MEAK7: variants seen among roughly 807,000 people sequenced by gnomAD.
MEAK7 encodes MTOR-associated protein MEAK7.
Under a neutral mutation model 40.5 loss-of-function variants are expected in MEAK7, and 68 were observed. That is an observed-to-expected ratio of 1.68 (90% CI 1.38 to 2.06). MEAK7 has a LOEUF of 2.06. MEAK7 is among the 30% of genes most tolerant of loss of function. The pLI, the probability that MEAK7 is intolerant of heterozygous loss-of-function variation, is 0.00. For missense variants in MEAK7, 918 were observed against 580.5 expected (o/e 1.58, Z -5.98); for synonymous variants, 338 against 231.9 (o/e 1.46, Z -4.16).
intron 5 of MEAK7, among the ~76,000 whole-genome samples, chr16:84,483,242 G>A (rs1193953613): frequency 6.6e-6 from 1 of 152,232 alleles, no homozygotes; most frequent in African/African-American, 2.4e-5. Flanking sequence ...CCAAAGGCAT[G>A]GGGTGGGCAC....
chr16:84,502,387 C>T (rs543672262), intron 1 of MEAK7, among the ~76,000 whole-genome samples: 2 of 152,012 alleles, frequency 1.3e-5, no homozygotes, highest in Non-Finnish European at 2.9e-5. Flanking sequence ...AAGTGTCCGT[C>T]CCAGACATCG....
chr16:84,480,241 A>G (rs1912405698), intron 7 of MEAK7, among the ~76,000 whole-genome samples: 1 of 152,114 alleles, frequency 6.6e-6, no homozygotes, highest in African/African-American at 2.4e-5. Flanking sequence ...AAGCGGAAGG[A>G]ACCCTAGACA....
At position 84,486,807 on chromosome 16, in the gene MEAK7, T is replaced by C; in HGVS notation, c.782A>G (p.Glu261Gly). Residue 261 changes from glutamate (E) to glycine (G), a missense_variant, in exon 5 of 8, where the codon GAG (glutamate) becomes GGG (glycine). Glu to Gly is a moderately conservative substitution (Grantham distance 98). Coordinates refer to ENST00000343629, the MANE Select transcript of MEAK7 (RefSeq NM_020947.4). ...GAGCAGGCACCAGCGGTGCCGCTGC[T>C]CCCGAGGCAGCTGGGCGTTGATGTA... ...VMYINAQLPR[E>G]QRHRWCLLFS... 2 of 1,613,966 alleles carry C rather than the reference T, an allele frequency of 1.2e-6. No individual in the cohort carries two copies. The highest frequency in any genetic ancestry group is 1.7e-6 in the Non-Finnish European group (2 of 1,179,902).
chr16:84,497,836 T>C, intron 2 of MEAK7, 98 bp downstream of exon 2: 1 of 1,538,408 alleles, frequency 6.5e-7, no homozygotes, highest in Non-Finnish European at 8.9e-7. Flanking sequence ...TTGCCATCCA[T>C]CCCATTACAA....
Position 84,479,353 on chromosome 16 carries a change from AC to A in MEAK7, c.*559del, listed in dbSNP as rs1036941542. ...GGCCATATGAACCCCAGCGGGAGGA[AC>A]CCCCTCCTCAATAGAGAAGTTGAGA... On this transcript the variant is annotated 3_prime_UTR_variant, in exon 8 of 8. Transcript: ENST00000343629. The A allele has an allele frequency of 1.6e-4, 24 of 152,196 alleles. No homozygotes were observed. The highest frequency in any genetic ancestry group is 2.6e-4 in the Non-Finnish European group (18 of 68,060). The allele number at this position is 152,196 out of a possible 1,614,324, so 9.4% of individuals were successfully genotyped here.
rs1042249736 is a variant in MEAK7, at chr16:84,481,479, G to A, written c.1078-771C>T. Among the ~76,000 whole-genome samples the A allele has an allele frequency of 7.2e-5, 11 of 152,314 alleles. No homozygotes were observed. In the East Asian group the frequency reaches 1.2e-3, roughly 16 times the overall value. On this transcript the variant is annotated intron_variant, in intron 6 of 7. Coordinates refer to ENST00000343629, the MANE Select transcript of MEAK7 (RefSeq NM_020947.4). ...CCCTCACTCCTGCCGCCACCAGACC[G>A]CCCTTTCCAGAAGGTGCCAGGTGTT...
chr16:84,494,507 C>A (rs1452373072), intron 3 of MEAK7, among the ~76,000 whole-genome samples: 1 of 152,124 alleles, frequency 6.6e-6, no homozygotes, highest in East Asian at 1.9e-4. Flanking sequence ...GCTCTGAGAA[C>A]TAAAGCTAGA....
At chr16:84,504,439 C>G (rs553102620) in intron 1 of MEAK7, among the ~76,000 whole-genome samples, 162 bp downstream of exon 1, 1 of 151,746 alleles carries the variant, frequency 6.6e-6, no homozygotes, top group Non-Finnish European at 1.5e-5. Context: ...CTCCCCGCAG[C>G]CTTCACCTCT....
At chr16:84,502,397 G>C (rs890517931) in intron 1 of MEAK7, among the ~76,000 whole-genome samples, 2 of 152,090 alleles carry the variant, frequency 1.3e-5, no homozygotes, top group African/African-American at 4.8e-5. Context: ...CCCAGACATC[G>C]GTAGGGCTGA....
intron 5 of MEAK7, 66 bp from the exon 6 acceptor site, chr16:84,482,776 T>G: frequency 1.3e-6 from 2 of 1,596,086 alleles, no homozygotes; most frequent in Non-Finnish European, 1.7e-6. Context: ...GGGCCGGAAA[T>G]GCCGGTAAGC....
At position 84,480,031 on chromosome 16, in the gene MEAK7, A is replaced by G; in HGVS notation, c.1258-5T>C. The G allele has an allele frequency of 1.9e-6, 3 of 1,587,910 alleles. No individual in the cohort carries two copies. Among genetic ancestry groups the G allele is most frequent in the South Asian group, 1.1e-5 (1 of 88,650 alleles). ...GATGCTCTTGTTGCCCTTGGCCTTG[A>G]GAAGAGAAGAAAGGGTGGGTGTGTT... On this transcript the variant is annotated splice_region_variant and splice_polypyrimidine_tract_variant and intron_variant, in intron 7 of 7. Coordinates refer to ENST00000343629, the MANE Select transcript of MEAK7 (RefSeq NM_020947.4).
At chr16:84,504,103 T>G (rs929878671) in intron 1 of MEAK7, 1 of 985,510 alleles carries the variant, frequency 1.0e-6, no homozygotes, top group East Asian at 1.1e-4. Context: ...ACCTGTCCTG[T>G]GCTGGCCACC....
At chr16:84,481,347 A>AC (rs10719324) in intron 6 of MEAK7, among the ~76,000 whole-genome samples, 1 of 152,194 alleles carries the variant, frequency 6.6e-6, no homozygotes, top group Admixed American at 6.5e-5. Context: ...ACCTTGGGCA[A>AC]CCAGAGACCC....
intron 2 of MEAK7, among the ~76,000 whole-genome samples, chr16:84,496,767 A>G (rs1044196958): frequency 6.6e-5 from 10 of 151,654 alleles, no homozygotes; most frequent in Admixed American, 2.6e-4. Flanking sequence ...CTCTCCCACA[A>G]TCTGCTCCCA....
chr16:84,483,721 G>C (rs1401243044), intron 5 of MEAK7, among the ~76,000 whole-genome samples: 2 of 152,210 alleles, frequency 1.3e-5, no homozygotes, highest in African/African-American at 4.8e-5. Flanking sequence ...TCTGCCATCA[G>C]GGTCTGGGAG....
chr16:84,480,746 C>T, intron 6 of MEAK7, 38 bp from the exon 7 acceptor site: 1 of 1,578,414 alleles, frequency 6.3e-7, no homozygotes, highest in East Asian at 2.3e-5. Context: ...GCATCAGCAA[C>T]TCCTCAGGGT....
chr16:84,497,308 G>C, intron 2 of MEAK7: 4 of 883,022 alleles, frequency 4.5e-6, no homozygotes, highest in Non-Finnish European at 6.1e-6. Flanking sequence ...ATGGAACGGG[G>C]AAAAACATGG....
intron 1 of MEAK7, among the ~76,000 whole-genome samples, chr16:84,498,717 T>C (rs452613): frequency 0.94 from 142,503 of 152,198 alleles, 67,067 homozygotes; most frequent in East Asian, 1. Context: ...GCTAATATAA[T>C]CAAAGGCAGG....
At position 84,489,351 on chromosome 16, in the gene MEAK7, C is replaced by T. The variant is rs772489057; in HGVS notation, c.456G>A (p.Gly152=). The T allele has an allele frequency of 1.2e-6, 2 of 1,614,100 alleles. No individual in the cohort carries two copies. The highest frequency in any genetic ancestry group is 1.3e-5 in the African/African-American group (1 of 74,948). The change falls in exon 4 of 8, where the codon GGG becomes GGA. Residue 152 remains glycine (G), a synonymous_variant. Transcript: ENST00000343629. ...SHRQELRGWT[G]KEAPGPNPRV... The stretch of plus-strand genomic sequence containing the variant: ...GGGGGTTGGGCCCTGGGGCTTCCTT[C>T]CCAGTCCAGCCTCTCAGCTCCTGTC...
Sources: gnomAD v4.1 joint callset for allele counts (sites outside exome capture counted in the v4.1 genomes callset) on GRCh38, gnomAD v4.1.1 for gene constraint, MANE v1.5 for transcripts, NCBI Gene and HGNC (gene_info 2026-07-23, HGNC 2026-07-21) for gene names.